DMD: variants seen among roughly 807,000 people sequenced by gnomAD.
DMD encodes the protein dystrophin, also known as mutant dystrophin.
A neutral mutation model predicts 330.1 loss-of-function variants in DMD; 63 were observed. The ratio of observed to expected loss-of-function variants is 0.19; its 90% confidence interval spans 0.16 to 0.24. The LOEUF (loss-of-function observed/expected upper bound fraction) is 0.24. Among genes scored for constraint, DMD ranks in the 10% least tolerant of loss-of-function variants. The pLI is 1.00. For synonymous variants in DMD, 1,223 were observed against 959.8 expected (o/e 1.27, Z -5.07); for missense variants, 3,344 against 2,684.1 (o/e 1.25, Z -5.43).
At chrX:32,589,374 T>C (rs1371725263) in intron 13 of DMD, among the ~76,000 whole-genome samples, 1 of 110,885 alleles carries the variant, frequency 9.0e-6, no homozygotes, top group Non-Finnish European at 1.9e-5. Flanking sequence ...TCATCCTTAA[T>C]ATCAAGCTTG....
chrX:31,929,953 A>C (rs1473572185), intron 46 of DMD, among the ~76,000 whole-genome samples: 2 of 111,517 alleles, frequency 1.8e-5, no homozygotes, highest in Non-Finnish European at 3.8e-5. Context: ...TGTAGAAAAT[A>C]AACGATTATA....
At chrX:32,685,608 C>A (rs2062799540) in intron 9 of DMD, among the ~76,000 whole-genome samples, 1 of 111,642 alleles carries the variant, frequency 9.0e-6, no homozygotes, top group South Asian at 3.7e-4. Flanking sequence ...GTTATACATA[C>A]CTCTCATCAT....
chrX:31,176,370 ATCT>A (rs2040499682), intron 71 of DMD, among the ~76,000 whole-genome samples: 2 of 111,812 alleles, frequency 1.8e-5, no homozygotes, highest in South Asian at 7.3e-4. Context: ...GACAGACAAA[ATCT>A]TCTACTTAAA....
intron 1 of DMD, among the ~76,000 whole-genome samples, chrX:33,219,306 T>TTTTGTGTGTG (rs1363727434): frequency 2.9e-4 from 21 of 72,976 alleles, no homozygotes; most frequent in Non-Finnish European, 4.4e-4. Context: ...TTAGAGATTA[T>TTTTGTGTGTG]TGTGTGTGTG....
chrX:33,187,302 T>C (rs1271281844), intron 1 of DMD, among the ~76,000 whole-genome samples: 2 of 112,538 alleles, frequency 1.8e-5, no homozygotes, highest in Admixed American at 1.9e-4. Context: ...GCCTAAACAT[T>C]TCTTGCCATT....
chrX:32,120,356 T>C (rs5972492), intron 44 of DMD, among the ~76,000 whole-genome samples: 13,763 of 111,461 alleles, frequency 0.12, 766 homozygotes, highest in Middle Eastern at 0.19. Context: ...ACCAGCAACT[T>C]TGAAGGCTAG....
intron 1 of DMD, among the ~76,000 whole-genome samples, chrX:33,114,436 A>G (rs2095366275): frequency 9.0e-6 from 1 of 111,409 alleles, no homozygotes; most frequent in South Asian, 3.7e-4. Context: ...TTAAAATTCA[A>G]CTTAAAAATT....
At chrX:31,283,661 G>A (rs1392900999) in intron 62 of DMD, among the ~76,000 whole-genome samples, 1 of 111,584 alleles carries the variant, frequency 9.0e-6, no homozygotes, top group Non-Finnish European at 1.9e-5. Context: ...TAAAACATGT[G>A]TGCTAAATTT....
intron 7 of DMD, among the ~76,000 whole-genome samples, chrX:32,784,330 A>T (rs1365922726): frequency 9.0e-6 from 1 of 111,666 alleles, no homozygotes; most frequent in Non-Finnish European, 1.9e-5. Context: ...GGAGGTGATT[A>T]ATTGCACTGA....
At chrX:33,284,097 A>C (rs138503730) in intron 1 of DMD, among the ~76,000 whole-genome samples, 1,430 of 110,885 alleles carry the variant, frequency 0.013, 7 homozygotes, top group South Asian at 0.063. Flanking sequence ...AGATGAGTAC[A>C]TGACTATAAT....
chrX:31,664,824 C>T (rs1234607253), intron 53 of DMD, among the ~76,000 whole-genome samples: 2 of 109,738 alleles, frequency 1.8e-5, no homozygotes, highest in East Asian at 2.8e-4. Flanking sequence ...CATACAACTG[C>T]GTAAATGATC....
chrX:32,649,445 CG>C (rs2059990135), intron 9 of DMD, among the ~76,000 whole-genome samples: 1 of 106,580 alleles, frequency 9.4e-6, no homozygotes, highest in Non-Finnish European at 1.9e-5. Flanking sequence ...CCCAGTTACT[CG>C]GGAGGCTGAG....
chrX:32,050,767 C>T (rs1347849372), intron 44 of DMD, among the ~76,000 whole-genome samples: 1 of 110,642 alleles, frequency 9.0e-6, no homozygotes, highest in African/African-American at 3.3e-5. Flanking sequence ...TCTTTAAAAA[C>T]TTTTGTGTCC....
intron 44 of DMD, among the ~76,000 whole-genome samples, chrX:32,129,403 C>G (rs779072336): frequency 9.0e-6 from 1 of 110,783 alleles, no homozygotes; most frequent in African/African-American, 3.3e-5. Context: ...TCTTAGAGGC[C>G]AATTTGACAG....
chrX:32,941,061 A>T (rs778083935), intron 2 of DMD, among the ~76,000 whole-genome samples: 176 of 112,132 alleles, frequency 1.6e-3, no homozygotes, highest in Non-Finnish European at 1.9e-3. Context: ...GCTGAATAAC[A>T]TTAATTGTCA....
intron 2 of DMD, among the ~76,000 whole-genome samples, chrX:32,887,366 A>G (rs113421050): frequency 1.1e-3 from 119 of 110,387 alleles, no homozygotes; most frequent in African/African-American, 3.7e-3. Context: ...AAATAAATAA[A>G]AAGAAAATTG....
intron 7 of DMD, among the ~76,000 whole-genome samples, chrX:32,763,436 T>C (rs1311302944): frequency 8.9e-6 from 1 of 111,850 alleles, no homozygotes; most frequent in Non-Finnish European, 1.9e-5. Context: ...AAACTGTAGA[T>C]AGTGTCAGAG....
At chrX:32,825,131 T>C (rs1458488265) in intron 4 of DMD, among the ~76,000 whole-genome samples, 3 of 111,931 alleles carry the variant, frequency 2.7e-5, no homozygotes, top group Admixed American at 1.9e-4. Context: ...TCAGATGATA[T>C]AGCACTAAAG....
chrX:32,584,893 A>G (rs1000526556), intron 13 of DMD, among the ~76,000 whole-genome samples: 2 of 111,541 alleles, frequency 1.8e-5, no homozygotes, highest in African/African-American at 3.3e-5. Context: ...ATTATAACTT[A>G]TGTCCTTTGC....
Sources: allele counts gnomAD v4.1 joint callset (sites outside exome capture counted in the v4.1 genomes callset), GRCh38; gene constraint gnomAD v4.1.1; transcripts MANE v1.5; gene names NCBI Gene and HGNC (gene_info 2026-07-23, HGNC 2026-07-21).